Variants in FBXL17 observed in about 807,000 individuals in gnomAD.
FBXL17 encodes the protein F-box/LRR-repeat protein 17.
FBXL17 carries 22 observed loss-of-function variants against 66.2 expected under a neutral mutation model. The observed-to-expected ratio is 0.33, with a 90% CI of 0.24 to 0.47. FBXL17 has a LOEUF of 0.47. FBXL17 is among the 20% of genes least tolerant of loss of function. The pLI, the probability that FBXL17 is intolerant of heterozygous loss-of-function variation, is 1.00. For synonymous variants in FBXL17, 474 were observed against 400.5 expected (o/e 1.18, Z -2.19); for missense variants, 878 against 948.2 (o/e 0.93, Z 0.97).
Position 108,305,188 on chromosome 5 carries a change from A to G in FBXL17, c.1506+43211T>C, listed in dbSNP as rs115452990. Reference sequence around the variant, plus strand: ...CCACATATGGATTTGGTTAACATAGAGTTGGTTAGTAAGGACATAGTAGAA... The same window carrying G: ...CCACATATGGATTTGGTTAACATAGGGTTGGTTAGTAAGGACATAGTAGAA... On this transcript the variant is annotated intron_variant, in intron 4 of 8. Coordinates refer to ENST00000542267, the MANE Select transcript of FBXL17 (RefSeq NM_001163315.3). Among the ~76,000 whole-genome samples the G allele has an allele frequency of 4.0e-3, 605 of 152,136 alleles. 5 individuals carry two copies. The highest frequency in any genetic ancestry group is 0.014 in the African/African-American group (584 of 41,518).
At chr5:107,906,521 A>G (rs1236583432) in intron 7 of FBXL17, among the ~76,000 whole-genome samples, 1 of 152,184 alleles carries the variant, frequency 6.6e-6, no homozygotes, top group African/African-American at 2.4e-5. Flanking sequence ...TATTTGTATC[A>G]TCTAAATGAG....
intron 6 of FBXL17, among the ~76,000 whole-genome samples, chr5:108,143,486 G>T (rs1031381339): frequency 6.6e-6 from 1 of 152,054 alleles, no homozygotes; most frequent in Non-Finnish European, 1.5e-5. Context: ...TACAACAGAT[G>T]TTTGGTCACA....
chr5:107,997,779 C>T (rs1263566242), intron 7 of FBXL17, among the ~76,000 whole-genome samples: 2 of 152,120 alleles, frequency 1.3e-5, no homozygotes, highest in African/African-American at 4.8e-5. Flanking sequence ...AGGAGGTGAA[C>T]TTAAGGTCTG....
intron 6 of FBXL17, among the ~76,000 whole-genome samples, chr5:108,051,410 C>G (rs987184973): frequency 9.2e-5 from 14 of 152,148 alleles, no homozygotes; most frequent in Admixed American, 3.3e-4. Context: ...TGGCTTCATC[C>G]CTGGGATGCA....
At chr5:108,016,369 C>A (rs1189670469) in intron 7 of FBXL17, among the ~76,000 whole-genome samples, 1 of 152,142 alleles carries the variant, frequency 6.6e-6, no homozygotes, top group Non-Finnish European at 1.5e-5. Context: ...TGTATGCCCC[C>A]AAACAACAGT....
chr5:108,018,654 A>G (rs943728532), intron 7 of FBXL17, among the ~76,000 whole-genome samples: 3 of 152,130 alleles, frequency 2.0e-5, no homozygotes, highest in Admixed American at 6.6e-5. Flanking sequence ...TGAAATCCTA[A>G]TGAAGAAGGA....
At chr5:107,959,533 C>T (rs1434228084) in intron 7 of FBXL17, among the ~76,000 whole-genome samples, 2 of 152,044 alleles carry the variant, frequency 1.3e-5, no homozygotes, top group African/African-American at 4.8e-5. Flanking sequence ...ACTCATCAAA[C>T]TCACCGGTTT....
rs1746687536 is a variant in FBXL17, at chr5:108,032,616, CA to C, written c.1746-11616del. On this transcript the variant is annotated intron_variant, in intron 6 of 8. Coordinates refer to ENST00000542267, the MANE Select transcript of FBXL17 (RefSeq NM_001163315.3). ...AACAGAGATTGGGGTGATGTGGCCA[CA>C]AGCCAAGGAATTCCTGTAGCTATCA... Among the ~76,000 whole-genome samples, 5 of 152,118 alleles carry C rather than the reference CA, an allele frequency of 3.3e-5. No individual in the cohort carries two copies. In the South Asian group the frequency reaches 1.0e-3, roughly 32 times the overall value.
chr5:108,338,270 T>C (rs1746644102), intron 4 of FBXL17, among the ~76,000 whole-genome samples: 1 of 152,072 alleles, frequency 6.6e-6, no homozygotes, highest in South Asian at 2.1e-4. Flanking sequence ...TGAATATAAA[T>C]ATATGCCTTC....
At chr5:107,989,378 ATG>A (rs925175364) in intron 7 of FBXL17, among the ~76,000 whole-genome samples, 4 of 152,038 alleles carry the variant, frequency 2.6e-5, no homozygotes, top group African/African-American at 9.7e-5. Context: ...GAGTAAGATC[ATG>A]TGATATTTGT....
intron 5 of FBXL17, among the ~76,000 whole-genome samples, chr5:108,223,124 G>C (rs1403876447): frequency 6.6e-6 from 1 of 152,080 alleles, no homozygotes; most frequent in Non-Finnish European, 1.5e-5. Context: ...AATCCAATCT[G>C]AGGTTATAAT....
intron 6 of FBXL17, among the ~76,000 whole-genome samples, chr5:108,095,302 T>C (rs1257533982): frequency 6.6e-6 from 1 of 152,006 alleles, no homozygotes; most frequent in African/African-American, 2.4e-5. Flanking sequence ...AGAACAGATA[T>C]CGGTGGGAAC....
At chr5:108,130,244 A>G (rs1409053926) in intron 6 of FBXL17, among the ~76,000 whole-genome samples, 3 of 151,924 alleles carry the variant, frequency 2.0e-5, no homozygotes, top group African/African-American at 7.2e-5. Context: ...ATGACAGGAA[A>G]AAAAAAATAT....
chr5:108,174,521 A>G (rs1318567754), intron 6 of FBXL17, among the ~76,000 whole-genome samples: 1 of 152,106 alleles, frequency 6.6e-6, no homozygotes, highest in African/African-American at 2.4e-5. Context: ...TGCTTTCACA[A>G]CTTGATGTTC....
At chr5:108,126,965 T>G (rs976386873) in intron 6 of FBXL17, among the ~76,000 whole-genome samples, 7 of 151,764 alleles carry the variant, frequency 4.6e-5, no homozygotes, top group Non-Finnish European at 7.4e-5. Flanking sequence ...ATCAAAAAAT[T>G]TCCATTTAAA....
intron 7 of FBXL17, among the ~76,000 whole-genome samples, chr5:107,888,366 C>A (rs1053842110): frequency 6.6e-6 from 1 of 152,146 alleles, no homozygotes; most frequent in Non-Finnish European, 1.5e-5. Flanking sequence ...TTTTAATTAA[C>A]TTTCTGGAAG....
intron 6 of FBXL17, among the ~76,000 whole-genome samples, chr5:108,121,117 C>G (rs769900654): frequency 6.6e-6 from 1 of 152,132 alleles, no homozygotes; most frequent in Non-Finnish European, 1.5e-5. Flanking sequence ...ATCATAAGGT[C>G]AAGAGGTCAA....
intron 8 of FBXL17, among the ~76,000 whole-genome samples, chr5:107,877,219 G>A (rs1038088267): frequency 9.2e-5 from 14 of 152,142 alleles, no homozygotes; most frequent in Admixed American, 6.5e-5. Flanking sequence ...AACTGCCTGG[G>A]GAATGCTGCA....
intron 4 of FBXL17, among the ~76,000 whole-genome samples, chr5:108,323,798 T>C (rs879698224): frequency 1.3e-5 from 2 of 151,990 alleles, no homozygotes; most frequent in African/African-American, 4.8e-5. Flanking sequence ...AAAAGTCAAA[T>C]TATTTCCTAC....
Sources: allele counts gnomAD v4.1 joint callset (sites outside exome capture counted in the v4.1 genomes callset), GRCh38; gene constraint gnomAD v4.1.1; transcripts MANE v1.5; gene names NCBI Gene and HGNC (gene_info 2026-07-23, HGNC 2026-07-21).